Variants in WFDC11 observed in about 807,000 individuals in gnomAD.
The protein encoded by WFDC11 is WAP four-disulfide core domain 11, also known as protein WFDC11.
In WFDC11, 9 loss-of-function variants were observed where a neutral mutation model predicts 9.9. The ratio of observed to expected loss-of-function variants is 0.91; its 90% CI spans 0.55 to 1.58. WFDC11 has a LOEUF of 1.58. WFDC11 is among the 40% of genes most tolerant of loss of function. The probability of loss-of-function intolerance (pLI) is 0.00; values close to 1 mark genes in which losing one functional copy is unlikely to be tolerated. For synonymous variants in WFDC11, 32 were observed against 33.3 expected, an observed-to-expected ratio of 0.96 and a Z score of 0.13; for missense variants, 106 against 101.7, an observed-to-expected ratio of 1.04 and a Z score of -0.18.
At chr20:45,666,440 A>C (rs1983190288) in intron 2 of WFDC11, among the ~76,000 whole-genome samples, 1 of 152,132 alleles carries the variant, frequency 6.6e-6, no homozygotes, top group Non-Finnish European at 1.5e-5. Flanking sequence ...CCACTGTCCA[A>C]CCAGTCCCAG....
chr20:45,652,395 A>G (rs930946637), intron 2 of WFDC11, among the ~76,000 whole-genome samples: 3 of 152,216 alleles, frequency 2.0e-5, no homozygotes, highest in African/African-American at 7.2e-5. Context: ...AGGAAAACTA[A>G]CAAACAGAAA....
At chr20:45,661,342 G>A (rs7363109) in intron 2 of WFDC11, among the ~76,000 whole-genome samples, 3,477 of 151,832 alleles carry the variant, frequency 0.023, 145 homozygotes, top group African/African-American at 0.08. Context: ...AGTAGGTTGC[G>A]AAAATTTTCT....
intron 1 of WFDC11, among the ~76,000 whole-genome samples, chr20:45,669,694 T>C (rs1009540540): frequency 6.6e-6 from 1 of 152,206 alleles, no homozygotes; most frequent in African/African-American, 2.4e-5. Context: ...GGAAAGTTTA[T>C]AGCACTAAAT....
Position 45,654,548 on chromosome 20 carries a change from A to G in WFDC11, c.-51-3897T>C, listed in dbSNP as rs113112495. On this transcript the variant is annotated intron_variant, in intron 2 of 4. Coordinates refer to ENST00000324384, the MANE Select transcript of WFDC11 (RefSeq NM_147197.2). ...TAGAGAAGCAAGAGCAAACAAATTCAAAAGCTAGCAGAAGGCAAGAAATAA... is the reference window on the plus strand; with the variant it reads ...TAGAGAAGCAAGAGCAAACAAATTCGAAAGCTAGCAGAAGGCAAGAAATAA... Among the ~76,000 whole-genome samples, 21 of 152,352 alleles carry G rather than the reference A, an allele frequency of 1.4e-4. 1 individual carries two copies. The highest frequency in any genetic ancestry group is 5.1e-4 in the African/African-American group (21 of 41,576).
intron 2 of WFDC11, among the ~76,000 whole-genome samples, chr20:45,663,054 C>A (rs1358560233): frequency 6.6e-6 from 1 of 152,064 alleles, no homozygotes; most frequent in African/African-American, 2.4e-5. Flanking sequence ...TGGTCCTGGA[C>A]TTTTTTTGGT....
intron 2 of WFDC11, among the ~76,000 whole-genome samples, chr20:45,661,682 C>T (rs1419702771): frequency 7.9e-5 from 12 of 152,200 alleles, no homozygotes; most frequent in Middle Eastern, 3.4e-3. Flanking sequence ...GGAATCCTTT[C>T]CCCATTGCTT....
At chr20:45,669,792 G>A (rs957113638) in intron 1 of WFDC11, among the ~76,000 whole-genome samples, 11 of 151,982 alleles carry the variant, frequency 7.2e-5, no homozygotes, top group Admixed American at 6.6e-4. Context: ...CAACCCCAAA[G>A]CTAGTAGAAG....
At chr20:45,653,587 C>A (rs1408889517) in intron 2 of WFDC11, among the ~76,000 whole-genome samples, 2 of 151,646 alleles carry the variant, frequency 1.3e-5, no homozygotes, top group Admixed American at 1.3e-4. Context: ...ACCATATTAA[C>A]CTTAAATGTA....
At chr20:45,661,501 G>A (rs1176924240) in intron 2 of WFDC11, among the ~76,000 whole-genome samples, 8 of 152,322 alleles carry the variant, frequency 5.3e-5, no homozygotes, top group African/African-American at 1.9e-4. Context: ...CCACGCCTAT[G>A]TCCTGAATGG....
intron 2 of WFDC11, among the ~76,000 whole-genome samples, chr20:45,656,574 A>G: frequency 6.6e-6 from 1 of 152,176 alleles, no homozygotes; most frequent in South Asian, 2.1e-4. Context: ...ACAAAAGCCA[A>G]AATAGACAAG....
chr20:45,654,365 G>T (rs1308712586), intron 2 of WFDC11, among the ~76,000 whole-genome samples: 1 of 152,180 alleles, frequency 6.6e-6, no homozygotes, highest in Non-Finnish European at 1.5e-5. Context: ...CAGAAATAAA[G>T]ATGTTCTTTG....
At chr20:45,665,546 T>C (rs1446913045) in intron 2 of WFDC11, among the ~76,000 whole-genome samples, 1 of 152,238 alleles carries the variant, frequency 6.6e-6, no homozygotes, top group Non-Finnish European at 1.5e-5. Flanking sequence ...CTCCCCATCT[T>C]TGTGGTTTTA....
chr20:45,651,584 G>A (rs921794239), intron 2 of WFDC11, among the ~76,000 whole-genome samples: 1 of 152,296 alleles, frequency 6.6e-6, no homozygotes, highest in South Asian at 2.1e-4. Context: ...ATCTCACTGG[G>A]GAGTGTCAGA....
chr20:45,658,519 G>A (rs961582726), intron 2 of WFDC11, among the ~76,000 whole-genome samples: 3 of 151,748 alleles, frequency 2.0e-5, no homozygotes, highest in Admixed American at 2.0e-4. Flanking sequence ...TTACATGATC[G>A]TTTGTATATC....
At position 45,649,373 on chromosome 20, in the gene WFDC11, A is replaced by G. The variant is rs780830938; in HGVS notation, c.127T>C (p.Trp43Arg). 4.8e-5 allele frequency: 78 copies of G among 1,614,016 alleles called. No individual in the cohort carries two copies. Among genetic ancestry groups the G allele is most frequent in the Middle Eastern group, 1.6e-4 (1 of 6,084 alleles). Reference protein sequence around the residue: ...DRKELLLEECWGKPNVKECTN... With the variant: ...DRKELLLEECRGKPNVKECTN... Reference sequence around the variant, plus strand: ...CATTCTTTGACATTTGGCTTTCCCCAGCATTCTTCAAGTAACAATTCCTTC... The same window carrying G: ...CATTCTTTGACATTTGGCTTTCCCCGGCATTCTTCAAGTAACAATTCCTTC... Residue 43 changes from tryptophan to arginine, a missense_variant, in exon 4 of 5, where the codon TGG (tryptophan) becomes CGG (arginine). Trp to Arg is a moderately radical substitution (Grantham distance 101). Coordinates refer to ENST00000324384, the MANE Select transcript of WFDC11 (RefSeq NM_147197.2).
chr20:45,662,957 C>T (rs1230609079), intron 2 of WFDC11, among the ~76,000 whole-genome samples: 1 of 152,214 alleles, frequency 6.6e-6, no homozygotes, highest in East Asian at 1.9e-4. Flanking sequence ...GGAGGATTCC[C>T]TCTTTTTCTA....
At chr20:45,659,796 T>A (rs1181071051) in intron 2 of WFDC11, among the ~76,000 whole-genome samples, 3 of 152,246 alleles carry the variant, frequency 2.0e-5, no homozygotes, top group Non-Finnish European at 4.4e-5. Context: ...CTCATCCCTA[T>A]GTCCTGAATG....
intron 2 of WFDC11, among the ~76,000 whole-genome samples, chr20:45,660,422 A>C (rs1313075435): frequency 6.6e-6 from 1 of 151,258 alleles, no homozygotes; most frequent in Admixed American, 6.6e-5. Context: ...ATTTTATTTT[A>C]TTATTATTAT....
chr20:45,666,350 A>G (rs770977450), intron 2 of WFDC11, among the ~76,000 whole-genome samples: 12 of 152,208 alleles, frequency 7.9e-5, no homozygotes, highest in Non-Finnish European at 1.8e-4. Context: ...TGGCTAGTAA[A>G]GGGAAATCCC....
Sources: gnomAD v4.1 joint callset for allele counts (sites outside exome capture counted in the v4.1 genomes callset) on GRCh38, gnomAD v4.1.1 for gene constraint, MANE v1.5 for transcripts, NCBI Gene and HGNC (gene_info 2026-07-23, HGNC 2026-07-21) for gene names.